The following SPRED2 variants were observed in gnomAD, a reference collection of about 807,000 sequenced individuals.
The protein encoded by SPRED2 is sprouty-related, EVH1 domain-containing protein 2.
A neutral mutation model predicts 43.0 loss-of-function variants in SPRED2; 47 were observed. The observed-to-expected ratio is 1.09, with a 90% CI of 0.87 to 1.40. The LOEUF (loss-of-function observed/expected upper bound fraction) is 1.40. Ranked by LOEUF, SPRED2 falls within the 40% of genes most tolerant of loss-of-function variation. The pLI, the probability that SPRED2 is intolerant of heterozygous loss-of-function variation, is 0.00. For synonymous variants in SPRED2, 225 were observed against 225.7 expected (o/e 1.00, Z 0.03); for missense variants, 561 against 586.4 (o/e 0.96, Z 0.45).
downstream of SPRED2, among the ~76,000 whole-genome samples, chr2:65,307,657 C>A (rs1470905358): frequency 6.6e-6 from 1 of 152,110 alleles, no homozygotes; most frequent in Non-Finnish European, 1.5e-5. Context: ...TTTCCCTGAC[C>A]CCAACAGTGC....
intron 1 of SPRED2, among the ~76,000 whole-genome samples, chr2:65,394,798 A>G (rs201868400): frequency 6.6e-6 from 1 of 152,208 alleles, no homozygotes. Context: ...AATGCAAAGG[A>G]CTAGATATTC....
At chr2:65,345,229 G>T (rs537994194) in intron 1 of SPRED2, among the ~76,000 whole-genome samples, 2 of 149,996 alleles carry the variant, frequency 1.3e-5, no homozygotes, top group East Asian at 3.9e-4. Flanking sequence ...AGGTTGGAAA[G>T]ACACACACCT....
At chr2:65,426,420 A>G (rs1676559249) in intron 1 of SPRED2, among the ~76,000 whole-genome samples, 1 of 152,256 alleles carries the variant, frequency 6.6e-6, no homozygotes, top group South Asian at 2.1e-4. Flanking sequence ...TTAAGCAACC[A>G]CAATGTGCCC....
In SPRED2 at chr2:65,401,937, G is replaced by GCGCGCACGCA. The variant is rs776512353; in HGVS notation, c.26+30024_26+30025insTGCGTGCGCG. Among the ~76,000 whole-genome samples, 84 of 114,758 alleles carry GCGCGCACGCA rather than the reference G, an allele frequency of 7.3e-4. 2 individuals are homozygous for GCGCGCACGCA. The highest frequency in any genetic ancestry group is 2.5e-3 in the African/African-American group (75 of 29,630). 75.3% of individuals were successfully genotyped at this position (114,758 alleles called of 152,430 possible). ...ACGATCAGAATATTAGCGCGCGCGCGCACACACACACACACACACACACAC... is the reference window on the plus strand; with the variant it reads ...ACGATCAGAATATTAGCGCGCGCGCGCGCGCACGCACACACACACACACACACACACACAC... On this transcript the variant is annotated intron_variant, in intron 1 of 5. Coordinates refer to ENST00000356388, the MANE Select transcript of SPRED2 (RefSeq NM_181784.3).
At chr2:65,422,098 ACACACACTCTCTCT>A (rs1385036990) in intron 1 of SPRED2, among the ~76,000 whole-genome samples, 9 of 113,094 alleles carry the variant, frequency 8.0e-5, no homozygotes, top group African/African-American at 2.7e-4. Context: ...ACACACACAC[ACACACACTCTCTCT>A]CTCTCTCTCT....
chr2:65,421,532 C>T (rs972284960), intron 1 of SPRED2, among the ~76,000 whole-genome samples: 1 of 152,206 alleles, frequency 6.6e-6, no homozygotes, highest in Non-Finnish European at 1.5e-5. Flanking sequence ...CAGGATCCTC[C>T]CCACAAAACA....
intron 1 of SPRED2, among the ~76,000 whole-genome samples, chr2:65,356,863 G>C (rs1315576809): frequency 6.6e-6 from 1 of 151,894 alleles, no homozygotes; most frequent in Non-Finnish European, 1.5e-5. Flanking sequence ...GTGTGATGGC[G>C]GGCACCTGTA....
intron 1 of SPRED2, among the ~76,000 whole-genome samples, chr2:65,360,110 A>G (rs1674769687): frequency 1.3e-5 from 2 of 148,936 alleles, no homozygotes; most frequent in African/African-American, 2.5e-5. Flanking sequence ...CAAAAAAAAA[A>G]AAAACAAAGA....
chr2:65,396,841 G>A (rs1675770079), intron 1 of SPRED2, among the ~76,000 whole-genome samples: 3 of 152,206 alleles, frequency 2.0e-5, no homozygotes, highest in Admixed American at 2.0e-4. Flanking sequence ...GTCCTGAAGG[G>A]AGGGACTCTT....
At chr2:65,398,268 T>G (rs1383818638) in intron 1 of SPRED2, among the ~76,000 whole-genome samples, 1 of 152,222 alleles carries the variant, frequency 6.6e-6, no homozygotes, top group Non-Finnish European at 1.5e-5. Flanking sequence ...AATCTAAGGC[T>G]TGAAACCAAA....
intron 4 of SPRED2, among the ~76,000 whole-genome samples, chr2:65,328,879 ACT>A (rs1673725055): frequency 6.6e-6 from 1 of 152,148 alleles, no homozygotes; most frequent in Non-Finnish European, 1.5e-5. Context: ...GTAGAAAAAA[ACT>A]CTTCAAGAAA....
intron 1 of SPRED2, among the ~76,000 whole-genome samples, chr2:65,423,875 C>G (rs751748500): frequency 2.0e-5 from 3 of 151,866 alleles, no homozygotes; most frequent in African/African-American, 2.4e-5. Flanking sequence ...GCATAACCTC[C>G]GCCTCCCAGG....
chr2:65,310,955 TCATAC>T lies in SPRED2; in HGVS notation c.*2541_*2545del. 2.0e-6 allele frequency: 2 copies of T among 982,592 alleles called. No individual in the cohort carries two copies. The highest frequency in any genetic ancestry group is 2.4e-6 in the Non-Finnish European group (2 of 826,958). The allele number at this position is 982,592 out of a possible 1,614,324, so 60.9% of individuals were successfully genotyped here. The stretch of plus-strand genomic sequence containing the variant: ...AAAAAGTTAAGAACTAAAATGTACA[TCATAC>T]ACTTGTATATATATTTTTTACACAG... On this transcript the variant is annotated 3_prime_UTR_variant, in exon 6 of 6. Transcript: ENST00000356388.
intron 1 of SPRED2, among the ~76,000 whole-genome samples, chr2:65,370,644 G>A (rs1356874696): frequency 1.3e-5 from 2 of 152,108 alleles, no homozygotes; most frequent in African/African-American, 4.8e-5. Flanking sequence ...AGATACAAGA[G>A]TGTTATTTAT....
chr2:65,428,021 C>T (rs147183579), intron 1 of SPRED2, among the ~76,000 whole-genome samples: 3 of 152,284 alleles, frequency 2.0e-5, no homozygotes, highest in African/African-American at 7.2e-5. Flanking sequence ...GAATAAAGTG[C>T]TTTAAAAAAA....
chr2:65,316,939 G>T, intron 4 of SPRED2, 56 bp from the exon 5 acceptor site: 2 of 1,569,516 alleles, frequency 1.3e-6, no homozygotes, highest in Non-Finnish European at 1.7e-6. Context: ...AAAACCCCAC[G>T]CAGCAAACCC....
At position 65,313,750 on chromosome 2, in the gene SPRED2, G is replaced by C; in HGVS notation, c.1008C>G (p.Cys336Trp). Residue 336 changes from cysteine (C) to tryptophan (W), a missense_variant, in exon 6 of 6, where the codon TGC (cysteine) becomes TGG (tryptophan). Transcript: ENST00000356388. ...ACCACATGCAGCTCACCCGGCGGAT[G>C]CAAGTTCTCACGGAGTCGGGCGCGT... ...CQDAPDSVRTCIRRVSCMWCA... is the reference protein window; with the variant it reads ...CQDAPDSVRTWIRRVSCMWCA... 1 of 1,614,244 alleles carries C rather than the reference G, an allele frequency of 6.2e-7. No individual in the cohort carries two copies. The highest frequency in any genetic ancestry group is 1.7e-5 in the Admixed American group (1 of 60,022).
intron 2 of SPRED2, among the ~76,000 whole-genome samples, chr2:65,339,103 G>GT (rs1674095021): frequency 8.1e-6 from 1 of 123,354 alleles, no homozygotes; most frequent in Non-Finnish European, 1.7e-5. Flanking sequence ...AGGTTGGGCG[G>GT]GGGGTCAGCG....
chr2:65,344,542 GGACAGT>G, intron 2 of SPRED2, 171 bp downstream of exon 2: 2 of 784,696 alleles, frequency 2.5e-6, no homozygotes, highest in East Asian at 2.7e-5. Context: ...TTGCTGGAAA[GGACAGT>G]CACGTTTTAC....
Sources: gnomAD v4.1 joint callset for allele counts (sites outside exome capture counted in the v4.1 genomes callset) on GRCh38, gnomAD v4.1.1 for gene constraint, MANE v1.5 for transcripts, NCBI Gene and HGNC (gene_info 2026-07-23, HGNC 2026-07-21) for gene names.